The following SH3GL3 variants were observed in gnomAD, a reference collection of about 807,000 sequenced individuals.
The protein encoded by SH3GL3 is SH3 domain containing GRB2 like 3, endophilin A3.
Under a neutral mutation model 47.7 loss-of-function variants are expected in SH3GL3, and 33 were observed. The ratio of observed to expected loss-of-function variants is 0.69; its 90% CI spans 0.52 to 0.92. The LOEUF (loss-of-function observed/expected upper bound fraction) is 0.92, where lower values mean the gene tolerates loss of function less well. Ranked by LOEUF, SH3GL3 falls within the 40% of genes least tolerant of loss-of-function variation. The probability of loss-of-function intolerance (pLI) is 0.00; values close to 1 mark genes in which losing one functional copy is unlikely to be tolerated. For synonymous variants in SH3GL3, 155 were observed against 148.8 expected, an observed-to-expected ratio of 1.04 and a Z score of -0.30; for missense variants, 363 against 417.8, an observed-to-expected ratio of 0.87 and a Z score of 1.14.
intron 2 of SH3GL3, among the ~76,000 whole-genome samples, chr15:83,563,459 A>G (rs141377095): frequency 1.0e-3 from 156 of 152,318 alleles, no homozygotes; most frequent in African/African-American, 3.4e-3. Flanking sequence ...TTGATCTCCA[A>G]AAACGTATCA....
intron 3 of SH3GL3, 38 bp downstream of exon 3, chr15:83,565,244 A>G: frequency 1.8e-6 from 2 of 1,090,496 alleles, no homozygotes; most frequent in Non-Finnish European, 2.8e-6. Context: ...TTGCTGTCAC[A>G]GACTCTAATA....
At chr15:83,473,956 A>G (rs1032897849) in intron 1 of SH3GL3, among the ~76,000 whole-genome samples, 2 of 151,282 alleles carry the variant, frequency 1.3e-5, no homozygotes, top group African/African-American at 4.9e-5. Flanking sequence ...AGAACCCATG[A>G]CCTTGTCCTT....
intron 2 of SH3GL3, among the ~76,000 whole-genome samples, chr15:83,563,372 G>A (rs2730091): frequency 0.1 from 15,888 of 151,920 alleles, 914 homozygotes; most frequent in East Asian, 0.19. Flanking sequence ...CAATTTGCTC[G>A]TGTGTTTCTA....
chr15:83,508,819 C>G (rs1333961319), intron 1 of SH3GL3, among the ~76,000 whole-genome samples: 1 of 152,186 alleles, frequency 6.6e-6, no homozygotes, highest in Non-Finnish European at 1.5e-5. Context: ...TGGTCTTGAT[C>G]TCCTGACCTC....
chr15:83,552,615 G>A (rs186265418), intron 1 of SH3GL3, among the ~76,000 whole-genome samples: 1 of 152,246 alleles, frequency 6.6e-6, no homozygotes, highest in East Asian at 1.9e-4. Context: ...ATAATATATG[G>A]TCAGTTTTTG....
rs1451226361 is a variant in SH3GL3, at chr15:83,480,038, G to T, written c.45+32460G>T. 2.6e-5 allele frequency among the ~76,000 whole-genome samples: 4 copies of T among 152,266 alleles called. No individual in the cohort carries two copies. The East Asian group carries it at 5.8e-4, about 22-fold the overall frequency. On this transcript the variant is annotated intron_variant, in intron 1 of 8. Coordinates refer to ENST00000427482, the MANE Select transcript of SH3GL3 (RefSeq NM_003027.5). ...GAGTTTCTTCAGGTTCTTTTTCAGT[G>T]TAATAAAATTCACCATGTTTACTGT...
chr15:83,496,251 C>T (rs1053852117), intron 1 of SH3GL3, among the ~76,000 whole-genome samples: 12 of 148,850 alleles, frequency 8.1e-5, no homozygotes, highest in African/African-American at 2.5e-4. Flanking sequence ...CTCAGCTACT[C>T]GGGAGGCTGA....
At chr15:83,467,785 CT>C in intron 1 of SH3GL3, among the ~76,000 whole-genome samples, 2 of 151,750 alleles carry the variant, frequency 1.3e-5, no homozygotes, top group African/African-American at 4.8e-5. Context: ...GTATTCATGC[CT>C]TTTTTTTAGT....
chr15:83,568,927 A>G (rs552176075), intron 4 of SH3GL3, among the ~76,000 whole-genome samples: 3 of 148,740 alleles, frequency 2.0e-5, no homozygotes, highest in Non-Finnish European at 4.5e-5. Flanking sequence ...TTTTTTAGAC[A>G]AAGTCTATGC....
At chr15:83,474,504 A>G (rs1205042527) in intron 1 of SH3GL3, among the ~76,000 whole-genome samples, 1 of 152,162 alleles carries the variant, frequency 6.6e-6, no homozygotes, top group Non-Finnish European at 1.5e-5. Flanking sequence ...TCCACTGCCA[A>G]ATGGCTGGCA....
At chr15:83,483,227 T>A (rs767374176) in intron 1 of SH3GL3, among the ~76,000 whole-genome samples, 1 of 152,204 alleles carries the variant, frequency 6.6e-6, no homozygotes, top group South Asian at 2.1e-4. Flanking sequence ...GAGCTTCAGA[T>A]TGATAGTTTA....
intron 1 of SH3GL3, among the ~76,000 whole-genome samples, chr15:83,449,714 C>CTTTTTTTTT: frequency 7.9e-6 from 1 of 125,920 alleles, no homozygotes; most frequent in Non-Finnish European, 1.7e-5. Context: ...CTTATTTAGT[C>CTTTTTTTTT]TTTTTTTTTT....
chr15:83,527,474 T>C (rs1409059434), intron 1 of SH3GL3, among the ~76,000 whole-genome samples: 2 of 152,198 alleles, frequency 1.3e-5, no homozygotes, highest in African/African-American at 2.4e-5. Context: ...TGATGTTCTT[T>C]GTTTCCTTTT....
At chr15:83,577,683 C>T (rs890887257) in intron 6 of SH3GL3, among the ~76,000 whole-genome samples, 2 of 152,166 alleles carry the variant, frequency 1.3e-5, no homozygotes, top group South Asian at 2.1e-4. Context: ...TGAGCCACCA[C>T]GCCAGCCCCT....
chr15:83,488,837 C>CT (rs2041734427), intron 1 of SH3GL3, among the ~76,000 whole-genome samples: 1 of 152,188 alleles, frequency 6.6e-6, no homozygotes, highest in East Asian at 1.9e-4. Context: ...ATATGGTCAA[C>CT]TTTTTATTTT....
chr15:83,482,197 A>G (rs2041388354), intron 1 of SH3GL3, among the ~76,000 whole-genome samples: 1 of 152,108 alleles, frequency 6.6e-6, no homozygotes, highest in Non-Finnish European at 1.5e-5. Context: ...TTAAATTGTC[A>G]TTTTCAAATT....
chr15:83,595,272 G>A (rs1336587757), intron 8 of SH3GL3, among the ~76,000 whole-genome samples: 3 of 152,158 alleles, frequency 2.0e-5, no homozygotes, highest in African/African-American at 7.2e-5. Flanking sequence ...AATACTGCAT[G>A]TTCTCACTTG....
intron 1 of SH3GL3, among the ~76,000 whole-genome samples, chr15:83,501,198 T>G (rs1434683935): frequency 6.6e-6 from 1 of 152,220 alleles, no homozygotes; most frequent in Non-Finnish European, 1.5e-5. Flanking sequence ...ATAGCATAAT[T>G]AACAACTTTA....
rs114187670 is a variant in SH3GL3 at position 83,571,779 on chromosome 15, A to G, written c.332-786A>G. 2.7e-3 allele frequency among the ~76,000 whole-genome samples: 411 copies of G among 152,308 alleles called. 2 individuals carry two copies. Among genetic ancestry groups the G allele is most frequent in the African/African-American group, 9.6e-3 (401 of 41,568 alleles). ...CAATTTGGAAAAACCCAAATATAGG[A>G]AAAATAGTTCATTCTAGTGCAGCAT... On this transcript the variant is annotated intron_variant, in intron 4 of 8. Transcript: ENST00000427482.
Sources: gnomAD v4.1 joint callset for allele counts (sites outside exome capture counted in the v4.1 genomes callset) on GRCh38, gnomAD v4.1.1 for gene constraint, MANE v1.5 for transcripts, NCBI Gene and HGNC (gene_info 2026-07-23, HGNC 2026-07-21) for gene names.